Variants in SIAH1 observed in about 807,000 individuals in gnomAD.
The protein encoded by SIAH1 is siah E3 ubiquitin protein ligase 1.
Under a neutral mutation model 20.0 loss-of-function variants are expected in SIAH1, and 2 were observed. The observed-to-expected ratio is 0.10, with a 90% CI of 0.04 to 0.31. The LOEUF (loss-of-function observed/expected upper bound fraction) is 0.31. Ranked by LOEUF, SIAH1 falls within the 10% of genes least tolerant of loss-of-function variation. SIAH1 has a pLI of 1.00. For synonymous variants in SIAH1, 118 were observed against 125.3 expected (o/e 0.94, Z 0.39); for missense variants, 119 against 355.3 (o/e 0.33, Z 5.35).
chr16:48,380,820 C>G (rs750049803), intron 1 of SIAH1, among the ~76,000 whole-genome samples: 4 of 149,228 alleles, frequency 2.7e-5, no homozygotes, highest in Non-Finnish European at 3.0e-5. Context: ...CCCAGCTACT[C>G]AGGAGGCTGA....
At chr16:48,377,095 C>CT (rs1358113732) in intron 1 of SIAH1, among the ~76,000 whole-genome samples, 1 of 152,158 alleles carries the variant, frequency 6.6e-6, no homozygotes, top group Non-Finnish European at 1.5e-5. Context: ...GAAATATTTT[C>CT]TACAAAATTC....
chr16:48,381,951 A>T (rs4785517), intron 1 of SIAH1, among the ~76,000 whole-genome samples: 1 of 152,166 alleles, frequency 6.6e-6, no homozygotes, highest in African/African-American at 2.4e-5. Context: ...TTACACGTGT[A>T]GGGGCAGGGG....
In SIAH1 at chr16:48,360,570, A is replaced by G. The variant is rs113829034; in HGVS notation, c.*1010T>C. 2.6e-5 allele frequency: 4 copies of G among 152,688 alleles called. No homozygotes were observed. The highest frequency in any genetic ancestry group is 4.4e-5 in the Non-Finnish European group (3 of 68,050). The allele number at this position is 152,688 out of a possible 1,614,324, so 9.5% of individuals were successfully genotyped here. ...CAGATATTCTTTTAATGAGAATTAT[A>G]AAAGACCAAAAACATTTTTTGCAAA... is the stretch of plus-strand genomic sequence containing the variant. On this transcript the variant is annotated 3_prime_UTR_variant, in exon 2 of 2. Transcript: ENST00000394725.
intron 1 of SIAH1, among the ~76,000 whole-genome samples, chr16:48,366,354 G>A (rs955845861): frequency 1.3e-5 from 2 of 152,066 alleles, no homozygotes; most frequent in East Asian, 3.8e-4. Context: ...GCTATTTACC[G>A]GGCATCAACT....
chr16:48,382,000 T>C (rs1395608512), intron 1 of SIAH1, among the ~76,000 whole-genome samples: 1 of 152,070 alleles, frequency 6.6e-6, no homozygotes, highest in Non-Finnish European at 1.5e-5. Flanking sequence ...CTCAAGTTGC[T>C]ATGAACCTAA....
chr16:48,367,566 G>C (rs1960873447), intron 1 of SIAH1, among the ~76,000 whole-genome samples: 1 of 152,178 alleles, frequency 6.6e-6, no homozygotes, highest in South Asian at 2.1e-4. Context: ...TGTGTATCAT[G>C]GATGGTACAT....
At chr16:48,365,740 C>A in intron 1 of SIAH1, 3 of 1,376,302 alleles carry the variant, frequency 2.2e-6, no homozygotes, top group Non-Finnish European at 2.8e-6. Flanking sequence ...CTCCAATGTG[C>A]CCTAAGCTTT....
chr16:48,380,752 C>T (rs562081874), intron 1 of SIAH1, among the ~76,000 whole-genome samples: 1 of 151,630 alleles, frequency 6.6e-6, no homozygotes, highest in South Asian at 2.1e-4. Flanking sequence ...GGCAAAACCC[C>T]GTCTCTACTA....
At chr16:48,374,829 C>G (rs1961065496) in intron 1 of SIAH1, among the ~76,000 whole-genome samples, 2 of 152,076 alleles carry the variant, frequency 1.3e-5, no homozygotes, top group Admixed American at 6.5e-5. Flanking sequence ...ATAACTTTGA[C>G]AGTCAGGATA....
chr16:48,364,643 A>G (rs960506458), intron 1 of SIAH1, among the ~76,000 whole-genome samples: 1 of 152,234 alleles, frequency 6.6e-6, no homozygotes, highest in Non-Finnish European at 1.5e-5. Context: ...TTCTTTGTAC[A>G]TATGACATCC....
chr16:48,374,690 A>C (rs1415903507), intron 1 of SIAH1, among the ~76,000 whole-genome samples: 2 of 152,236 alleles, frequency 1.3e-5, no homozygotes, highest in Non-Finnish European at 2.9e-5. Context: ...AATGTGAGGT[A>C]GCATTAGCAG....
In SIAH1 at chr16:48,385,413, C is replaced by T. The variant is rs993837768; in HGVS notation, c.-212G>A. On this transcript the variant is annotated 5_prime_UTR_variant, in exon 1 of 2. Coordinates refer to ENST00000394725, the MANE Select transcript of SIAH1 (RefSeq NM_003031.4). ...CCGCCGCCGCCGTTTCGCGCGTCCT[C>T]GAGCCCGCCGCGCGCCCCCGCTAAA... The T allele has an allele frequency of 2.6e-5, 4 of 153,438 alleles. No individual in the cohort carries two copies. The highest frequency in any genetic ancestry group is 7.3e-5 in the African/African-American group (3 of 41,148). The allele number at this position is 153,438 out of a possible 1,614,324, so 9.5% of individuals were successfully genotyped here.
At chr16:48,378,666 G>C (rs1426910315) in intron 1 of SIAH1, among the ~76,000 whole-genome samples, 3 of 152,146 alleles carry the variant, frequency 2.0e-5, no homozygotes, top group Non-Finnish European at 1.5e-5. Flanking sequence ...GAATCTCCTT[G>C]AACAACAGCC....
chr16:48,383,226 G>GA (rs921725721), intron 1 of SIAH1, among the ~76,000 whole-genome samples: 19 of 149,610 alleles, frequency 1.3e-4, no homozygotes, highest in East Asian at 3.9e-4. Flanking sequence ...TGCCAATAAC[G>GA]AAAAAAAAAC....
chr16:48,365,329 C>G, intron 1 of SIAH1: 1 of 1,591,728 alleles, frequency 6.3e-7, no homozygotes, highest in Non-Finnish European at 8.6e-7. Flanking sequence ...GCAGGTTCCA[C>G]TGACTAATAG....
chr16:48,369,666 T>C (rs567135498), intron 1 of SIAH1, among the ~76,000 whole-genome samples: 3 of 152,288 alleles, frequency 2.0e-5, no homozygotes, highest in African/African-American at 7.2e-5. Context: ...CATCTGAGCC[T>C]GGGATGTAAA....
At position 48,376,138 on chromosome 16, in the gene SIAH1, C is replaced by T. The variant is rs1961103656; in HGVS notation, c.-3+9066G>A. 2.6e-5 allele frequency among the ~76,000 whole-genome samples: 4 copies of T among 152,214 alleles called. No individual in the cohort carries two copies. The South Asian group carries it at 8.3e-4, about 31-fold the overall frequency. ...AAAAATGTGAAGCACACCCAGACTACACCAAAATGTCTATGATGGTTACTT... is the reference window on the plus strand; with the variant it reads ...AAAAATGTGAAGCACACCCAGACTATACCAAAATGTCTATGATGGTTACTT... On this transcript the variant is annotated intron_variant, in intron 1 of 1. Coordinates refer to ENST00000394725, the MANE Select transcript of SIAH1 (RefSeq NM_003031.4).
chr16:48,368,807 C>A (rs1237939008), intron 1 of SIAH1, among the ~76,000 whole-genome samples: 3 of 151,934 alleles, frequency 2.0e-5, no homozygotes, highest in African/African-American at 7.2e-5. Flanking sequence ...AAAAATTATT[C>A]TTAGAAACAA....
chr16:48,376,482 T>TA (rs891929535), intron 1 of SIAH1, among the ~76,000 whole-genome samples: 12 of 151,692 alleles, frequency 7.9e-5, no homozygotes, highest in African/African-American at 1.4e-4. Flanking sequence ...TTTTATACTA[T>TA]AAAAAAAAAT....
Sources: allele counts gnomAD v4.1 joint callset (sites outside exome capture counted in the v4.1 genomes callset), GRCh38; gene constraint gnomAD v4.1.1; transcripts MANE v1.5; gene names NCBI Gene and HGNC (gene_info 2026-07-23, HGNC 2026-07-21).